The following ATF6 variants were observed in gnomAD, a reference collection of about 807,000 sequenced individuals.
The protein encoded by ATF6 is activating transcription factor 6.
ATF6 carries 53 observed loss-of-function variants against 83.6 expected under a neutral mutation model. The observed-to-expected ratio is 0.63, with a 90% confidence interval of 0.51 to 0.80. ATF6 has a LOEUF of 0.80. ATF6 is among the 30% of genes least tolerant of loss of function. The pLI, the probability that ATF6 is intolerant of heterozygous loss-of-function variation, is 0.00. For missense variants in ATF6, 744 were observed against 797.9 expected (o/e 0.93, Z 0.81); for synonymous variants, 288 against 285.8 (o/e 1.01, Z -0.08).
chr1:161,807,755 T>TG (rs1685327044), intron 7 of ATF6, among the ~76,000 whole-genome samples: 4 of 152,110 alleles, frequency 2.6e-5, no homozygotes, highest in African/African-American at 4.8e-5. Flanking sequence ...AACAGCTTTT[T>TG]TTTGTTGTTG....
At chr1:161,852,824 C>T (rs1571190621) in intron 11 of ATF6, among the ~76,000 whole-genome samples, 1 of 152,092 alleles carries the variant, frequency 6.6e-6, no homozygotes, top group Non-Finnish European at 1.5e-5. Context: ...CACTGTGTTG[C>T]GCAGGCTGAT....
At chr1:161,791,289 A>G in intron 4 of ATF6, 119 bp from the exon 5 acceptor site, 1 of 719,288 alleles carries the variant, frequency 1.4e-6, no homozygotes, top group Non-Finnish European at 2.2e-6. Context: ...TTTCTAATAT[A>G]CCTTTCCTTT....
chr1:161,809,165 G>C (rs1685384955), intron 7 of ATF6, among the ~76,000 whole-genome samples: 1 of 152,076 alleles, frequency 6.6e-6, no homozygotes, highest in Admixed American at 6.5e-5. Context: ...ATTTACATTA[G>C]GTATATCTCC....
intron 2 of ATF6, among the ~76,000 whole-genome samples, chr1:161,780,168 T>C (rs551579226): frequency 1.3e-5 from 2 of 152,328 alleles, no homozygotes; most frequent in African/African-American, 2.4e-5. Context: ...GTTCTCTTTA[T>C]GTACCTTGTA....
chr1:161,921,995 C>CTGTTTGTT lies in ATF6; in HGVS notation c.1804+9629_1804+9636dup, dbSNP rs4039613. The stretch of plus-strand genomic sequence containing the variant: ...AGCCCTCTTTCTTTGCTTGTTTTCC[C>CTGTTTGTT]TGTTTGTTTGTTTGTTTGTTTTTTC... On this transcript the variant is annotated intron_variant, in intron 15 of 15. Coordinates refer to ENST00000367942, the MANE Select transcript of ATF6 (RefSeq NM_007348.4). 9.8e-3 allele frequency among the ~76,000 whole-genome samples: 1,491 copies of CTGTTTGTT among 151,460 alleles called. 8 individuals are homozygous for CTGTTTGTT. Among genetic ancestry groups the CTGTTTGTT allele is most frequent in the South Asian group, 0.017 (82 of 4,806 alleles).
At chr1:161,873,026 TTCC>T (rs1182566981) in intron 14 of ATF6, among the ~76,000 whole-genome samples, 1 of 151,614 alleles carries the variant, frequency 6.6e-6, no homozygotes, top group Non-Finnish European at 1.5e-5. Flanking sequence ...CAAGTCATTG[TTCC>T]TCCTCTGTAT....
chr1:161,914,613 T>C (rs114676248), intron 15 of ATF6, among the ~76,000 whole-genome samples: 1,576 of 152,304 alleles, frequency 0.01, 16 homozygotes, highest in Non-Finnish European at 0.017. Flanking sequence ...GAAATCTCCT[T>C]TTCAGGCATC....
intron 9 of ATF6, chr1:161,840,591 C>G (rs1040549812): frequency 3.3e-5 from 5 of 152,168 alleles, no homozygotes; most frequent in African/African-American, 1.2e-4. Context: ...GACTGAGTAT[C>G]TGAAACCACA....
chr1:161,849,414 A>G (rs16853992), intron 10 of ATF6, among the ~76,000 whole-genome samples: 1,858 of 152,302 alleles, frequency 0.012, 36 homozygotes, highest in African/African-American at 0.043. Flanking sequence ...CGTGTGTGGC[A>G]TAAATAGCTA....
At chr1:161,868,398 C>A (rs986876404) in intron 14 of ATF6, among the ~76,000 whole-genome samples, 13 of 151,974 alleles carry the variant, frequency 8.6e-5, no homozygotes, top group Admixed American at 6.6e-4. Context: ...AATTATTATT[C>A]TTTTTTCCCC....
chr1:161,879,886 G>A (rs530048407), intron 14 of ATF6, among the ~76,000 whole-genome samples: 33 of 151,746 alleles, frequency 2.2e-4, no homozygotes, highest in African/African-American at 7.5e-4. Context: ...ACTTAATAAT[G>A]CCATTTTGTT....
chr1:161,931,153 GCGTGAGCCACCGCACCTGGCTGGTTC>G (rs1226302735), intron 15 of ATF6, among the ~76,000 whole-genome samples: 2 of 152,186 alleles, frequency 1.3e-5, no homozygotes, highest in Non-Finnish European at 2.9e-5. Flanking sequence ...GGGATTACAG[GCGTGAGCCACCGCACCTGGCTGGTTC>G]CAAGAAATTC....
intron 1 of ATF6, among the ~76,000 whole-genome samples, chr1:161,768,675 C>T (rs1684321630): frequency 2.0e-5 from 3 of 152,218 alleles, no homozygotes; most frequent in African/African-American, 7.2e-5. Context: ...GTGATCCTTC[C>T]ATCTGAGCCT....
At chr1:161,883,395 G>T (rs932642466) in intron 14 of ATF6, among the ~76,000 whole-genome samples, 1 of 151,966 alleles carries the variant, frequency 6.6e-6, no homozygotes, top group Admixed American at 6.6e-5. Context: ...CTCATTTCAT[G>T]TGATGTCTAT....
At chr1:161,806,025 C>T (rs1039457445) in intron 7 of ATF6, among the ~76,000 whole-genome samples, 8 of 152,194 alleles carry the variant, frequency 5.3e-5, no homozygotes, top group African/African-American at 1.9e-4. Flanking sequence ...TTATATCTTA[C>T]TCTTCCTGTC....
intron 2 of ATF6, among the ~76,000 whole-genome samples, chr1:161,779,473 TTCCCATGCTAAA>T (rs1365833179): frequency 1.3e-5 from 2 of 152,206 alleles, no homozygotes; most frequent in East Asian, 3.8e-4. Flanking sequence ...GCAATAGAAT[TTCCCATGCTAAA>T]TCACTGAAGA....
chr1:161,920,730 C>G (rs909203231), intron 15 of ATF6, among the ~76,000 whole-genome samples: 2 of 151,722 alleles, frequency 1.3e-5, no homozygotes, highest in Admixed American at 6.6e-5. Flanking sequence ...TTGGCCTTTC[C>G]CAGATGATCA....
At chr1:161,881,751 G>A (rs1420036417) in intron 14 of ATF6, among the ~76,000 whole-genome samples, 2 of 151,968 alleles carry the variant, frequency 1.3e-5, no homozygotes, top group Non-Finnish European at 2.9e-5. Context: ...CCTTTTTAGT[G>A]TTTTTCAAAG....
intron 6 of ATF6, among the ~76,000 whole-genome samples, chr1:161,796,015 A>G (rs994280281): frequency 1.3e-5 from 2 of 152,158 alleles, no homozygotes; most frequent in African/African-American, 2.4e-5. Context: ...ACAATATGGG[A>G]AAAAAAGGAA....
Sources: gnomAD v4.1 joint callset for allele counts (sites outside exome capture counted in the v4.1 genomes callset) on GRCh38, gnomAD v4.1.1 for gene constraint, MANE v1.5 for transcripts, NCBI Gene and HGNC (gene_info 2026-07-23, HGNC 2026-07-21) for gene names.